The following CACNG5 variants were observed in gnomAD, a reference collection of about 807,000 sequenced individuals.
CACNG5 encodes voltage-dependent calcium channel gamma-5 subunit.
Under a neutral mutation model 24.8 loss-of-function variants are expected in CACNG5, and 18 were observed. The observed-to-expected ratio is 0.73, with a 90% CI of 0.50 to 1.08. The LOEUF (loss-of-function observed/expected upper bound fraction) is 1.08, where lower values mean the gene tolerates loss of function less well. Ranked by LOEUF, CACNG5 falls within the 50% of genes least tolerant of loss-of-function variation. The probability of loss-of-function intolerance (pLI) is 0.00; values close to 1 mark genes in which losing one functional copy is unlikely to be tolerated. For synonymous variants in CACNG5, 157 were observed against 149.1 expected (o/e 1.05, Z -0.39); for missense variants, 349 against 367.9 (o/e 0.95, Z 0.42).
In CACNG5 at chr17:66,893,718, G is replaced by A. The variant is rs1180820451; in HGVS notation, c.*8478G>A. Among the ~76,000 whole-genome samples the A allele has an allele frequency of 6.6e-6, 1 of 152,152 alleles. No individual in the cohort carries two copies. On this transcript the variant is annotated 3_prime_UTR_variant, in exon 6 of 6. Transcript: ENST00000533854. ...GGCCAGTGGGTGTGCCATGGCAGGTGAGACCCGCCCCCCCAACCCGGCATT... is the reference window on the plus strand; with the variant it reads ...GGCCAGTGGGTGTGCCATGGCAGGTAAGACCCGCCCCCCCAACCCGGCATT...
At chr17:66,842,780 G>A (rs1029753803) in intron 1 of CACNG5, among the ~76,000 whole-genome samples, 1 of 152,166 alleles carries the variant, frequency 6.6e-6, no homozygotes, top group African/African-American at 2.4e-5. Context: ...GCGTCTGATG[G>A]GGCTGGCTAC....
At chr17:66,882,086 C>A (rs1977166131) in intron 4 of CACNG5, among the ~76,000 whole-genome samples, 1 of 151,944 alleles carries the variant, frequency 6.6e-6, no homozygotes, top group Non-Finnish European at 1.5e-5. Context: ...GGAGACTAGG[C>A]AAGAGGCTAT....
chr17:66,839,746 G>A (rs1477053207), intron 1 of CACNG5, among the ~76,000 whole-genome samples: 1 of 152,164 alleles, frequency 6.6e-6, no homozygotes, highest in Non-Finnish European at 1.5e-5. Flanking sequence ...ATCACCGAGG[G>A]CTGTGAGCTT....
intron 1 of CACNG5, among the ~76,000 whole-genome samples, chr17:66,852,009 A>T (rs1336048972): frequency 6.6e-6 from 1 of 152,194 alleles, no homozygotes; most frequent in East Asian, 1.9e-4. Context: ...AGTTGGATCG[A>T]GTAGGAAAGA....
intron 1 of CACNG5, among the ~76,000 whole-genome samples, chr17:66,845,453 G>A (rs1435329381): frequency 2.0e-5 from 2 of 102,030 alleles, no homozygotes; most frequent in East Asian, 5.0e-4. Flanking sequence ...AGAACTTAAA[G>A]TAAAATTTAA....
intron 1 of CACNG5, among the ~76,000 whole-genome samples, chr17:66,843,483 C>T (rs1013148160): frequency 2.0e-5 from 3 of 152,138 alleles, no homozygotes; most frequent in Admixed American, 1.3e-4. Context: ...TCTCCGTAAT[C>T]CCAGAGAGTA....
rs1215250465 is a variant in CACNG5, at chr17:66,877,114, G to GGCAC, written c.-103-115_-103-112dup. 9.5e-6 allele frequency: 5 copies of GGCAC among 525,600 alleles called. No homozygotes were observed. In the African/African-American group the frequency reaches 9.5e-5, roughly 10 times the overall value. 32.6% of individuals were successfully genotyped at this position (525,600 alleles called of 1,614,324 possible). A position where few individuals can be genotyped will look rare whatever the true frequency, so the allele number is the denominator to read the frequency against. On this transcript the variant is annotated intron_variant, in intron 1 of 5. Transcript: ENST00000533854. ...ATTGCTGCGGGGTTAGGGGGAGGGTGGCACCTCTGTTGCAGTGACCTGGTG... is the reference window on the plus strand; with the variant it reads ...ATTGCTGCGGGGTTAGGGGGAGGGTGGCACGCACCTCTGTTGCAGTGACCTGGTG...
chr17:66,885,165 C>T lies in CACNG5; in HGVS notation c.753C>T (p.Ser251=), dbSNP rs142634808. 24 of 1,612,760 alleles carry T rather than the reference C, an allele frequency of 1.5e-5. No homozygotes were observed. The African/African-American group carries it at 1.7e-4, about 12-fold the overall frequency. The change falls in exon 6 of 6, where the codon TCC becomes TCT. Residue 251 remains serine (S), a synonymous_variant. Coordinates refer to ENST00000533854, the MANE Select transcript of CACNG5 (RefSeq NM_145811.3). ...CCTCCGACATCTCCAGCGAGGCCTC[C>T]CTGCAGATGAACAGCAACTACCCCG... is the stretch of plus-strand genomic sequence containing the variant. The part of the protein sequence containing the change: ...RSPSDISSEA[S]LQMNSNYPAL...
At position 66,892,543 on chromosome 17, in the gene CACNG5, A is replaced by C. The variant is rs996966153; in HGVS notation, c.*7303A>C. On this transcript the variant is annotated 3_prime_UTR_variant, in exon 6 of 6. Transcript: ENST00000533854. ...CATTTTGTGCTCAGCAGTTGTGAAA[A>C]AGAACAAGGCTCAAAGGCTTTAGAG... 6.6e-6 allele frequency among the ~76,000 whole-genome samples: 1 copy of C among 152,224 alleles called. No individual in the cohort carries two copies. Among genetic ancestry groups the C allele is most frequent in the Admixed American group, 6.5e-5 (1 of 15,278 alleles).
chr17:66,859,589 G>A (rs749778029), intron 1 of CACNG5, among the ~76,000 whole-genome samples: 5 of 152,116 alleles, frequency 3.3e-5, no homozygotes, highest in Admixed American at 6.5e-5. Context: ...TCTTCTGCAC[G>A]GCGCCGAGGC....
intron 1 of CACNG5, among the ~76,000 whole-genome samples, chr17:66,851,664 A>G (rs1598048077): frequency 6.6e-6 from 1 of 152,342 alleles, no homozygotes; most frequent in East Asian, 1.9e-4. Flanking sequence ...TAAGAGCTGA[A>G]TAAAATTGCC....
chr17:66,866,832 G>T (rs1019962967), intron 1 of CACNG5, among the ~76,000 whole-genome samples: 10 of 152,134 alleles, frequency 6.6e-5, no homozygotes, highest in Non-Finnish European at 5.9e-5. Context: ...GTATTCCATG[G>T]TGTATATGTA....
chr17:66,876,220 G>A (rs1454750408), intron 1 of CACNG5, among the ~76,000 whole-genome samples: 3 of 152,174 alleles, frequency 2.0e-5, no homozygotes, highest in African/African-American at 7.2e-5. Flanking sequence ...TCACCTGGCA[G>A]AATTTAAAAA....
intron 1 of CACNG5, among the ~76,000 whole-genome samples, chr17:66,857,676 C>T (rs567854977): frequency 7.9e-5 from 12 of 152,254 alleles, no homozygotes; most frequent in African/African-American, 2.4e-4. Context: ...GGCTAGTGGC[C>T]GCCATATTGG....
chr17:66,849,031 T>C (rs1598046784), intron 1 of CACNG5, among the ~76,000 whole-genome samples: 1 of 152,124 alleles, frequency 6.6e-6, no homozygotes, highest in Non-Finnish European at 1.5e-5. Flanking sequence ...TTGTCAGCCC[T>C]AGAGCCGGGA....
intron 1 of CACNG5, among the ~76,000 whole-genome samples, chr17:66,855,083 A>G (rs1042158365): frequency 6.6e-6 from 1 of 152,230 alleles, no homozygotes; most frequent in African/African-American, 2.4e-5. Flanking sequence ...ATTGAAAAAC[A>G]ATTGGCGTTG....
rs911174269 is a variant in CACNG5, at chr17:66,890,642, C to T, written c.*5402C>T. ...GGCCCCATCCTTGAAGGTTTGCATG[C>T]GTGGGCTCTCTGTCCTGCTGGTTCA... On this transcript the variant is annotated 3_prime_UTR_variant, in exon 6 of 6. Transcript: ENST00000533854. Among the ~76,000 whole-genome samples the T allele has an allele frequency of 4.6e-5, 7 of 152,216 alleles. No individual in the cohort carries two copies. The highest frequency in any genetic ancestry group is 2.1e-4 in the South Asian group (1 of 4,834).
At chr17:66,837,378 G>A (rs889859419) in intron 1 of CACNG5, among the ~76,000 whole-genome samples, 5 of 152,216 alleles carry the variant, frequency 3.3e-5, no homozygotes, top group African/African-American at 1.2e-4. Flanking sequence ...TGCCTCTGCA[G>A]GGAGCTGGCA....
chr17:66,858,740 C>T (rs1360060520), intron 1 of CACNG5, among the ~76,000 whole-genome samples: 1 of 150,074 alleles, frequency 6.7e-6, no homozygotes, highest in Non-Finnish European at 1.5e-5. Flanking sequence ...TGAAATCTCC[C>T]CCTGCATCCT....
Sources: gnomAD v4.1 joint callset for allele counts (sites outside exome capture counted in the v4.1 genomes callset) on GRCh38, gnomAD v4.1.1 for gene constraint, MANE v1.5 for transcripts, NCBI Gene and HGNC (gene_info 2026-07-23, HGNC 2026-07-21) for gene names.